Variants in TNS3 observed in about 807,000 individuals in gnomAD.
The protein encoded by TNS3 is tensin-3.
In TNS3, 45 loss-of-function variants were observed where a neutral mutation model predicts 140.9. The observed-to-expected ratio is 0.32, with a 90% CI of 0.25 to 0.41. TNS3 has a LOEUF of 0.41. TNS3 is among the 10% of genes least tolerant of loss of function. The pLI, the probability that TNS3 is intolerant of heterozygous loss-of-function variation, is 1.00. For synonymous variants in TNS3, 815 were observed against 788.4 expected (o/e 1.03, Z -0.56); for missense variants, 1,716 against 1,906.7 (o/e 0.90, Z 1.86).
chr7:47,428,930 C>A (rs1343195793), intron 8 of TNS3, among the ~76,000 whole-genome samples: 1 of 152,176 alleles, frequency 6.6e-6, no homozygotes, highest in Non-Finnish European at 1.5e-5. Flanking sequence ...CTCACTCAAA[C>A]CATAACCACA....
intron 2 of TNS3, among the ~76,000 whole-genome samples, chr7:47,527,740 G>T (rs549368877): frequency 1.3e-5 from 2 of 152,216 alleles, no homozygotes; most frequent in South Asian, 4.1e-4. Context: ...TAATGAGACT[G>T]TCTCTAAAAA....
At chr7:47,491,264 A>C (rs1226361980) in intron 3 of TNS3, among the ~76,000 whole-genome samples, 1 of 152,230 alleles carries the variant, frequency 6.6e-6, no homozygotes. Flanking sequence ...ATTTTAAACC[A>C]TATATATACT....
rs1461510568 is a variant in TNS3, at chr7:47,507,705, C to T, written c.-152-761G>A. 3.9e-5 allele frequency among the ~76,000 whole-genome samples: 6 copies of T among 152,160 alleles called. 1 individual carries two copies. In the South Asian group the frequency reaches 6.2e-4, roughly 16 times the overall value. On this transcript the variant is annotated intron_variant, in intron 2 of 30. Coordinates refer to ENST00000311160, the MANE Select transcript of TNS3 (RefSeq NM_022748.12). ...GGCATAAACCTCCCCACGAGCACCACGGGCATGCTGCAGGCAGGCCTTGCA... is the reference window on the plus strand; with the variant it reads ...GGCATAAACCTCCCCACGAGCACCATGGGCATGCTGCAGGCAGGCCTTGCA...
intron 10 of TNS3, among the ~76,000 whole-genome samples, chr7:47,420,499 T>G (rs538181229): frequency 6.6e-6 from 1 of 152,144 alleles, no homozygotes; most frequent in Non-Finnish European, 1.5e-5. Flanking sequence ...AACCCTCAGA[T>G]AGGCATGCGT....
At chr7:47,493,701 G>A (rs1292473145) in intron 3 of TNS3, among the ~76,000 whole-genome samples, 4 of 151,138 alleles carry the variant, frequency 2.6e-5, no homozygotes, top group East Asian at 1.9e-4. Context: ...GGTGGCGGGC[G>A]CCTGTAGTCC....
At chr7:47,302,545 T>G (rs1043393881) in intron 22 of TNS3, among the ~76,000 whole-genome samples, 1 of 152,216 alleles carries the variant, frequency 6.6e-6, no homozygotes, top group Non-Finnish European at 1.5e-5. Context: ...GAGGGTAAGG[T>G]TGGTGTTGTT....
chr7:47,346,006 C>A (rs564308479), intron 18 of TNS3, among the ~76,000 whole-genome samples, 181 bp downstream of exon 18: 1 of 152,176 alleles, frequency 6.6e-6, no homozygotes, highest in Non-Finnish European at 1.5e-5. Context: ...CCAGCCACAC[C>A]GCTTGCCAGG....
chr7:47,329,675 C>T (rs1788225747), intron 20 of TNS3, among the ~76,000 whole-genome samples: 1 of 152,186 alleles, frequency 6.6e-6, no homozygotes, highest in Non-Finnish European at 1.5e-5. Flanking sequence ...ACGGACAGAG[C>T]AGGCTCAGCG....
chr7:47,300,110 T>G (rs1786304254), intron 23 of TNS3, among the ~76,000 whole-genome samples: 1 of 151,966 alleles, frequency 6.6e-6, no homozygotes, highest in Admixed American at 6.6e-5. Flanking sequence ...TATCTGGGTG[T>G]TTTTTTTCCT....
intron 4 of TNS3, among the ~76,000 whole-genome samples, chr7:47,460,248 T>C (rs1458809081): frequency 7.0e-6 from 1 of 143,596 alleles, no homozygotes; most frequent in Admixed American, 6.9e-5. Flanking sequence ...GAAGAGGAGA[T>C]TAGGACACAG....
intron 17 of TNS3, among the ~76,000 whole-genome samples, chr7:47,361,293 C>A (rs1584480353): frequency 6.6e-6 from 1 of 151,578 alleles, no homozygotes; most frequent in South Asian, 2.1e-4. Flanking sequence ...ACTCCTTGGC[C>A]CCCATCCTGG....
chr7:47,315,415 A>C (rs1287488036), intron 20 of TNS3, among the ~76,000 whole-genome samples: 1 of 152,070 alleles, frequency 6.6e-6, no homozygotes, highest in Non-Finnish European at 1.5e-5. Context: ...GGACTTCAGG[A>C]ATGTCTATGC....
chr7:47,400,988 G>A (rs776115261), intron 13 of TNS3, 74 bp from the exon 14 acceptor site: 43 of 1,586,844 alleles, frequency 2.7e-5, no homozygotes, highest in Middle Eastern at 1.7e-4. Flanking sequence ...AACACACTCC[G>A]CGGAGGCCGG....
intron 16 of TNS3, among the ~76,000 whole-genome samples, chr7:47,387,987 G>A (rs952107983): frequency 6.6e-6 from 1 of 152,214 alleles, no homozygotes; most frequent in Non-Finnish European, 1.5e-5. Flanking sequence ...GGCTCTTATA[G>A]ACAGGCACAA....
Position 47,276,106 on chromosome 7 carries a change from T to C in TNS3, c.*1970A>G. 1 of 273,138 alleles carries C rather than the reference T, an allele frequency of 3.7e-6. No individual in the cohort carries two copies. The highest frequency in any genetic ancestry group is 7.3e-6 in the Non-Finnish European group (1 of 137,362). 16.9% of individuals were successfully genotyped at this position (273,138 alleles called of 1,614,324 possible). ...TGCAGTGGATGAAAAACCGAGATGC[T>C]AGAGGCCTCTGCTAAAGACATCAGG... is the stretch of plus-strand genomic sequence containing the variant. On this transcript the variant is annotated 3_prime_UTR_variant, in exon 31 of 31. Coordinates refer to ENST00000311160, the MANE Select transcript of TNS3 (RefSeq NM_022748.12).
chr7:47,518,730 T>C (rs1798865845), intron 2 of TNS3, among the ~76,000 whole-genome samples: 2 of 152,190 alleles, frequency 1.3e-5, no homozygotes, highest in Non-Finnish European at 1.5e-5. Flanking sequence ...GGGATTCTTA[T>C]CGTATGGGCA....
intron 1 of TNS3, among the ~76,000 whole-genome samples, chr7:47,535,783 T>C (rs894596207): frequency 7.2e-4 from 109 of 152,228 alleles, no homozygotes; most frequent in African/African-American, 2.6e-3. Flanking sequence ...TCTGCCGAAA[T>C]GCAAAACCGC....
chr7:47,582,368 A>T (rs1784557960), upstream of TNS3: 1 of 454,158 alleles, frequency 2.2e-6, no homozygotes, highest in Non-Finnish European at 4.4e-6. Flanking sequence ...CCCATTGAGC[A>T]GCCCAGGCTC....
intron 1 of TNS3, among the ~76,000 whole-genome samples, chr7:47,573,585 C>T (rs182492386): frequency 2.1e-3 from 322 of 152,084 alleles, no homozygotes; most frequent in Middle Eastern, 7.0e-3. Context: ...CCCTCCATCG[C>T]GACGGGTCCT....
Sources: gnomAD v4.1 joint callset for allele counts (sites outside exome capture counted in the v4.1 genomes callset) on GRCh38, gnomAD v4.1.1 for gene constraint, MANE v1.5 for transcripts, NCBI Gene and HGNC (gene_info 2026-07-23, HGNC 2026-07-21) for gene names.